FHIP1A: variants seen among roughly 807,000 people sequenced by gnomAD.
The protein encoded by FHIP1A is FHF complex subunit HOOK-interacting protein 1A.
Under a neutral mutation model 88.6 loss-of-function variants are expected in FHIP1A, and 61 were observed. The ratio of observed to expected loss-of-function variants is 0.69; its 90% CI spans 0.56 to 0.85. FHIP1A has a LOEUF of 0.85. FHIP1A is among the 40% of genes least tolerant of loss of function. FHIP1A has a pLI of 0.00. For missense variants in FHIP1A, 1,154 were observed against 1,273.5 expected, an observed-to-expected ratio of 0.91 and a Z score of 1.43; for synonymous variants, 478 against 496.0, an observed-to-expected ratio of 0.96 and a Z score of 0.48.
In FHIP1A at chr4:151,656,187, C is replaced by T. The variant is rs1737225861; in HGVS notation, c.2552-45C>T. 1.3e-6 allele frequency: 2 copies of T among 1,489,596 alleles called. No individual in the cohort carries two copies. The highest frequency in any genetic ancestry group is 1.8e-6 in the Non-Finnish European group (2 of 1,094,196). 92.3% of individuals were successfully genotyped at this position (1,489,596 alleles called of 1,614,324 possible). A position where few individuals can be genotyped will look rare whatever the true frequency, so the allele number is the denominator to read the frequency against. Reference sequence around the variant, plus strand: ...TTCTGCAATTGTCAGGGAAAGGCATCCCTGTGAGCCCAGCCAGCCCTGAAG... The same window carrying T: ...TTCTGCAATTGTCAGGGAAAGGCATTCCTGTGAGCCCAGCCAGCCCTGAAG... On this transcript the variant is annotated intron_variant, in intron 11 of 13. Transcript: ENST00000435205. This position sits in a 1 kb window ranked among gnomAD's most constrained non-coding sequence, Gnocchi z 4.2.
intron 7 of FHIP1A, among the ~76,000 whole-genome samples, chr4:151,614,010 A>G (rs1735420277): frequency 6.6e-6 from 1 of 152,018 alleles, no homozygotes; most frequent in African/African-American, 2.4e-5. Flanking sequence ...TAAAAATACA[A>G]AACTTAGCTG....
At chr4:151,467,044 C>G (rs1260020945) in intron 2 of FHIP1A, among the ~76,000 whole-genome samples, 3 of 152,136 alleles carry the variant, frequency 2.0e-5, no homozygotes, top group African/African-American at 7.2e-5. Context: ...GAGCAGGCAA[C>G]CTACAGAATG....
At chr4:151,446,581 CTTT>C (rs35115788) in intron 1 of FHIP1A, among the ~76,000 whole-genome samples, 3,865 of 109,998 alleles carry the variant, frequency 0.035, 168 homozygotes, top group African/African-American at 0.12. Flanking sequence ...TGTTCTTTTT[CTTT>C]TTTTTTTTTT....
intron 5 of FHIP1A, among the ~76,000 whole-genome samples, chr4:151,578,962 A>T (rs1444318070): frequency 6.6e-6 from 1 of 152,320 alleles, no homozygotes; most frequent in East Asian, 1.9e-4. Flanking sequence ...GGTGGAACCT[A>T]AATGCTTATT....
chr4:151,638,368 T>C (rs1023495829), intron 8 of FHIP1A, among the ~76,000 whole-genome samples: 4 of 132,116 alleles, frequency 3.0e-5, no homozygotes, highest in Admixed American at 1.5e-4. Flanking sequence ...AGAGAGAGAA[T>C]TGGAGAATTG....
intron 6 of FHIP1A, among the ~76,000 whole-genome samples, chr4:151,588,428 T>C (rs987750436): frequency 2.0e-5 from 3 of 152,166 alleles, no homozygotes; most frequent in African/African-American, 7.2e-5. Flanking sequence ...TAAAATTAGT[T>C]ACAGGTTGAG....
At chr4:151,412,307 T>C (rs1220408271) in intron 1 of FHIP1A, among the ~76,000 whole-genome samples, 1 of 152,134 alleles carries the variant, frequency 6.6e-6, no homozygotes, top group African/African-American at 2.4e-5. Context: ...GGTTTCGCCA[T>C]GTTGGCCAGG....
chr4:151,629,869 G>T lies in FHIP1A; in HGVS notation c.1146G>T (p.Arg382=), dbSNP rs1736090914. 2 of 1,550,388 alleles carry T rather than the reference G, an allele frequency of 1.3e-6. No homozygotes were observed. The highest frequency in any genetic ancestry group is 2.7e-5 in the African/African-American group (2 of 72,978). Residue 382 remains arginine, a splice_region_variant and synonymous_variant, in exon 8 of 14, where the codon CGG becomes CGT. Coordinates refer to ENST00000435205, the MANE Select transcript of FHIP1A (RefSeq NM_001109977.3). ...TLTSRINTPF[R]LCVVSLALFR... is the part of the protein sequence containing the mutation. The stretch of plus-strand genomic sequence containing the variant: ...CGAGTCGAATCAACACCCCGTTTCG[G>T]GTAAGGAGAGCGCCAGAGGAAGGGA...
chr4:151,645,633 G>A (rs1736763216), intron 9 of FHIP1A, among the ~76,000 whole-genome samples: 1 of 150,694 alleles, frequency 6.6e-6, no homozygotes, highest in Non-Finnish European at 1.5e-5. Context: ...AAGGGATTAG[G>A]CTCATCTGCA....
chr4:151,652,441 G>A (rs1384714202), intron 11 of FHIP1A, among the ~76,000 whole-genome samples: 1 of 152,140 alleles, frequency 6.6e-6, no homozygotes, highest in East Asian at 1.9e-4. Context: ...ACTGAAATGA[G>A]TTCACTTCCC....
intron 2 of FHIP1A, among the ~76,000 whole-genome samples, chr4:151,468,698 G>A (rs1203338061): frequency 6.6e-6 from 1 of 152,188 alleles, no homozygotes; most frequent in African/African-American, 2.4e-5. Context: ...TTAGTTGGAA[G>A]GCTGGTCATT....
At chr4:151,484,976 G>A (rs1730026207) in intron 3 of FHIP1A, among the ~76,000 whole-genome samples, 1 of 152,162 alleles carries the variant, frequency 6.6e-6, no homozygotes, top group Non-Finnish European at 1.5e-5. Context: ...TGGGGAGCCA[G>A]TGGGAAGCCA....
intron 3 of FHIP1A, among the ~76,000 whole-genome samples, chr4:151,490,420 A>T (rs981529118): frequency 2.0e-5 from 3 of 152,182 alleles, no homozygotes; most frequent in Non-Finnish European, 2.9e-5. Context: ...CAATCACTGC[A>T]GTCTGTTTCT....
In FHIP1A at chr4:151,646,466, G is replaced by A; in HGVS notation, c.1227-92G>A. 1.2e-5 allele frequency: 10 copies of A among 818,242 alleles called. No individual in the cohort carries two copies. In the South Asian group the frequency reaches 1.7e-4, roughly 14 times the overall value. 50.7% of individuals were successfully genotyped at this position (818,242 alleles called of 1,614,324 possible). On this transcript the variant is annotated intron_variant, in intron 9 of 13. Coordinates refer to ENST00000435205, the MANE Select transcript of FHIP1A (RefSeq NM_001109977.3). ...GCTGAGAGAGGATGAGTCTGCCCCT[G>A]GCCACAAGGAGTCCCTGTTATGGTT...
At chr4:151,538,576 T>C (rs1954610247) in intron 3 of FHIP1A, among the ~76,000 whole-genome samples, 1 of 152,222 alleles carries the variant, frequency 6.6e-6, no homozygotes, top group South Asian at 2.1e-4. Flanking sequence ...CCATTACTAT[T>C]TCTCCATGGT....
At chr4:151,412,687 CTTTTT>C (rs555613459) in intron 1 of FHIP1A, among the ~76,000 whole-genome samples, 1 of 95,850 alleles carries the variant, frequency 1.0e-5, no homozygotes, top group Non-Finnish European at 2.0e-5. Context: ...CTCTTTCTTT[CTTTTT>C]TTTTTTTTTT....
Position 151,475,762 on chromosome 4 carries a change from G to A in FHIP1A, c.-247-6762G>A, listed in dbSNP as rs148920562. ...CACTGTAACAGTTGAGGTTTATTTCGGGAATGCAAGAAGGGTTCATCATCT... is the reference window on the plus strand; with the variant it reads ...CACTGTAACAGTTGAGGTTTATTTCAGGAATGCAAGAAGGGTTCATCATCT... On this transcript the variant is annotated intron_variant, in intron 2 of 13. Transcript: ENST00000435205. 2.3e-3 allele frequency among the ~76,000 whole-genome samples: 353 copies of A among 152,044 alleles called. 2 individuals are homozygous for A. Among genetic ancestry groups the A allele is most frequent in the African/African-American group, 7.6e-3 (317 of 41,470 alleles).
rs114848197 is a variant in FHIP1A at position 151,589,906 on chromosome 4, C to T, written c.978+980C>T. Among the ~76,000 whole-genome samples, 463 of 152,196 alleles carry T rather than the reference C, an allele frequency of 3.0e-3. 3 individuals are homozygous for T. The highest frequency in any genetic ancestry group is 0.011 in the African/African-American group (445 of 41,530). On this transcript the variant is annotated intron_variant, in intron 7 of 13. Transcript: ENST00000435205. ...TTTGAATTGGATTTTTATGTTATTTCTAGGTTCAAGAGGTCATCTTTGATG... is the reference window on the plus strand; with the variant it reads ...TTTGAATTGGATTTTTATGTTATTTTTAGGTTCAAGAGGTCATCTTTGATG...
intron 1 of FHIP1A, among the ~76,000 whole-genome samples, chr4:151,425,784 C>T (rs1580549455): frequency 2.8e-5 from 1 of 35,640 alleles, no homozygotes; most frequent in Non-Finnish European, 7.1e-5. Context: ...CTTGTGGCTG[C>T]ATCTCTCTGC....
Sources: allele counts gnomAD v4.1 joint callset (sites outside exome capture counted in the v4.1 genomes callset), GRCh38; gene constraint gnomAD v4.1.1; non-coding constraint Gnocchi (gnomAD v3.1); transcripts MANE v1.5; gene names NCBI Gene and HGNC (gene_info 2026-07-23, HGNC 2026-07-21).